Variants in RB1CC1 observed in about 807,000 individuals in gnomAD.
RB1CC1 encodes the protein RB1 inducible coiled-coil 1, also known as RB1-inducible coiled-coil protein 1.
In RB1CC1, 46 loss-of-function variants were observed where a neutral mutation model predicts 177.5. The ratio of observed to expected loss-of-function variants is 0.26; its 90% confidence interval spans 0.20 to 0.33. RB1CC1 has a LOEUF of 0.33. Ranked by LOEUF, RB1CC1 falls within the 10% of genes least tolerant of loss-of-function variation. The pLI, the probability that RB1CC1 is intolerant of heterozygous loss-of-function variation, is 1.00. For missense variants in RB1CC1, 1,703 were observed against 1,816.3 expected, an observed-to-expected ratio of 0.94 and a Z score of 1.13; for synonymous variants, 666 against 613.6, an observed-to-expected ratio of 1.09 and a Z score of -1.26.
chr8:52,689,440 C>A (rs937785184), intron 1 of RB1CC1, among the ~76,000 whole-genome samples: 1 of 152,172 alleles, frequency 6.6e-6, no homozygotes, highest in Non-Finnish European at 1.5e-5. Context: ...TCCATGCTGC[C>A]TTCAAAGAAA....
rs764881121 is a variant in RB1CC1 at position 52,642,474 on chromosome 8, G to A, written c.4214C>T (p.Thr1405Ile). 26 of 1,613,968 alleles carry A rather than the reference G, an allele frequency of 1.6e-5. No homozygotes were observed. The African/African-American group carries it at 3.5e-4, about 22-fold the overall frequency. The change falls in exon 18 of 24, where the codon ACA becomes ATA. Residue 1405 changes from threonine to isoleucine, a missense_variant. Thr to Ile is a moderately conservative substitution (Grantham distance 89). Transcript: ENST00000025008. ...SSFVPSPYVATAPELYGACAP... is the reference protein window; with the variant it reads ...SSFVPSPYVAIAPELYGACAP... ...ACAAGCTCCATAAAGTTCTGGGGCT[G>A]TAGCTACATATGGTGAAGGAACAAA...
intron 6 of RB1CC1, 75 bp downstream of exon 6, chr8:52,676,294 T>C (rs999277824): frequency 3.0e-6 from 4 of 1,353,012 alleles, no homozygotes; most frequent in African/African-American, 2.9e-5. Flanking sequence ...AGAAACAAAT[T>C]TGCAGTAATT....
chr8:52,659,830 C>A (rs1444490915), intron 12 of RB1CC1, among the ~76,000 whole-genome samples: 1 of 152,140 alleles, frequency 6.6e-6, no homozygotes, highest in Non-Finnish European at 1.5e-5. Flanking sequence ...AACCCCGTCT[C>A]TACTAAAATA....
At position 52,657,045 on chromosome 8, in the gene RB1CC1, A is replaced by G. The variant is rs1851141625; in HGVS notation, c.2784T>C (p.Asn928=). 6.2e-7 allele frequency: 1 copy of G among 1,612,782 alleles called. No homozygotes were observed. The highest frequency in any genetic ancestry group is 1.7e-5 in the Admixed American group (1 of 59,770). The part of the protein sequence containing the change: ...HEKEAVICLQ[N]EKDQKLLEME... ...TCTCTAACAACTTCTGATCCTTTTC[A>G]TTCTGCAGGCAGATTACAGCTTCTT... The change falls in exon 15 of 24, where the codon AAT becomes AAC. Residue 928 remains asparagine (N), a synonymous_variant. Transcript: ENST00000025008.
chr8:52,673,194 A>C (rs1386536325), intron 7 of RB1CC1, among the ~76,000 whole-genome samples: 1 of 152,258 alleles, frequency 6.6e-6, no homozygotes, highest in Non-Finnish European at 1.5e-5. Context: ...AGCAGCCTTC[A>C]CAACATTATT....
At chr8:52,671,905 T>C (rs964822202) in intron 7 of RB1CC1, among the ~76,000 whole-genome samples, 1 of 152,120 alleles carries the variant, frequency 6.6e-6, no homozygotes, top group African/African-American at 2.4e-5. Flanking sequence ...ATGAGTACTA[T>C]ATTATAGGCA....
intron 7 of RB1CC1, among the ~76,000 whole-genome samples, chr8:52,669,669 A>G (rs1852378412): frequency 6.6e-6 from 1 of 152,122 alleles, no homozygotes; most frequent in Non-Finnish European, 1.5e-5. Flanking sequence ...ACTTTTCTCA[A>G]TTTTGTGGTA....
intron 1 of RB1CC1, among the ~76,000 whole-genome samples, chr8:52,692,311 A>T (rs1365972280): frequency 3.9e-5 from 6 of 152,196 alleles, no homozygotes; most frequent in Admixed American, 3.3e-4. Flanking sequence ...CATGATACCT[A>T]CTTTCAGGGG....
At chr8:52,675,448 G>C (rs1433462191) in intron 6 of RB1CC1, among the ~76,000 whole-genome samples, 4 of 151,936 alleles carry the variant, frequency 2.6e-5, no homozygotes, top group Non-Finnish European at 5.9e-5. Flanking sequence ...CACACAATAA[G>C]GGTTAGTTTC....
rs774241868 is a variant in RB1CC1 at position 52,635,995 on chromosome 8, C to A, written c.4392+20G>T. 3.1e-6 allele frequency: 5 copies of A among 1,604,658 alleles called. No homozygotes were observed. Among genetic ancestry groups the A allele is most frequent in the Non-Finnish European group, 4.2e-6 (5 of 1,176,698 alleles). ...AGTGAACATATTAAACATGGTACTT[C>A]AAGAAGATAATTTACTTACTCGTTC... On this transcript the variant is annotated intron_variant, in intron 19 of 23. Transcript: ENST00000025008.
intron 3 of RB1CC1, 50 bp from the exon 4 acceptor site, chr8:52,684,063 C>CT (rs1854020857): frequency 6.4e-7 from 1 of 1,558,348 alleles, no homozygotes; most frequent in Admixed American, 1.9e-5. Context: ...TGCCCAATGA[C>CT]TTTATTTTCC....
chr8:52,646,582 G>A (rs1221404534), intron 15 of RB1CC1, among the ~76,000 whole-genome samples: 1 of 152,046 alleles, frequency 6.6e-6, no homozygotes, highest in South Asian at 2.1e-4. Context: ...ATAGTCTTTG[G>A]TTCATTTCTG....
intron 1 of RB1CC1, among the ~76,000 whole-genome samples, chr8:52,698,359 G>A (rs1190868040): frequency 2.6e-5 from 4 of 151,672 alleles, no homozygotes; most frequent in African/African-American, 9.7e-5. Flanking sequence ...GTCTCGCTCT[G>A]TCGCCCAGGC....
intron 7 of RB1CC1, among the ~76,000 whole-genome samples, chr8:52,670,176 T>TC (rs1852435941): frequency 6.6e-6 from 1 of 152,118 alleles, no homozygotes. Flanking sequence ...GGCAATGGAC[T>TC]CCCACCTTGG....
rs765775872 is a variant in RB1CC1, at chr8:52,676,533, A to G, written c.408T>C (p.Cys136=). The change falls in exon 6 of 24, where the codon TGT becomes TGC. Residue 136 remains cysteine, a synonymous_variant. Coordinates refer to ENST00000025008, the MANE Select transcript of RB1CC1 (RefSeq NM_014781.5). ...YEVAKKLCSF[C]EGLVHDEHLQ... ...GATGTTCATCATGTACAAGACCTTC[A>G]CAAAAAGAACAAAGTTTCTTGGCAA... 9.9e-6 allele frequency: 16 copies of G among 1,608,204 alleles called. 1 individual carries two copies. The South Asian group carries it at 1.8e-4, about 18-fold the overall frequency.
chr8:52,706,639 G>A (rs1856574631), intron 1 of RB1CC1, among the ~76,000 whole-genome samples: 1 of 151,644 alleles, frequency 6.6e-6, no homozygotes, highest in Non-Finnish European at 1.5e-5. Flanking sequence ...GGCTGAGGCA[G>A]GAGAATGGCG....
Position 52,628,093 on chromosome 8 carries a change from A to T in RB1CC1, c.4575T>A (p.Pro1525=). Residue 1525 remains proline (P), a synonymous_variant, in exon 22 of 24, where the codon CCT becomes CCA. Transcript: ENST00000025008. ...HDNYVLFTVS[P]TLYFLHSESL... ...ACTCTGAATGTAGAAAATATAAAGT[A>T]GGACTAACAGTAAATAACACATAAT... The T allele has an allele frequency of 6.2e-7, 1 of 1,605,714 alleles. No individual in the cohort carries two copies. The highest frequency in any genetic ancestry group is 8.5e-7 in the Non-Finnish European group (1 of 1,173,626).
intron 1 of RB1CC1, among the ~76,000 whole-genome samples, chr8:52,705,522 G>A (rs890370442): frequency 2.6e-5 from 4 of 152,148 alleles, no homozygotes; most frequent in African/African-American, 9.7e-5. Flanking sequence ...TAACTTTTAA[G>A]GGAATTTAAT....
intron 16 of RB1CC1, among the ~76,000 whole-genome samples, chr8:52,645,411 A>T (rs945019997): frequency 2.6e-5 from 4 of 152,224 alleles, no homozygotes; most frequent in African/African-American, 9.6e-5. Context: ...AGAAACCAGG[A>T]ACAGAATTTA....
Sources: gnomAD v4.1 joint callset for allele counts (sites outside exome capture counted in the v4.1 genomes callset) on GRCh38, gnomAD v4.1.1 for gene constraint, MANE v1.5 for transcripts, NCBI Gene and HGNC (gene_info 2026-07-23, HGNC 2026-07-21) for gene names.